CA6: variants seen among roughly 807,000 people sequenced by gnomAD.
The protein encoded by CA6 is carbonate dehydratase VI.
A neutral mutation model predicts 35.9 loss-of-function variants in CA6; 28 were observed. The ratio of observed to expected loss-of-function variants is 0.78; its 90% CI spans 0.58 to 1.07. CA6 has a LOEUF of 1.07. Ranked by LOEUF, CA6 falls within the 50% of genes least tolerant of loss-of-function variation. The pLI is 0.00. For missense variants in CA6, 377 were observed against 382.0 expected, an observed-to-expected ratio of 0.99 and a Z score of 0.11; for synonymous variants, 148 against 152.6, an observed-to-expected ratio of 0.97 and a Z score of 0.22.
At chr1:8,972,212 T>G (rs1260011255) in intron 7 of CA6, among the ~76,000 whole-genome samples, 1 of 151,802 alleles carries the variant, frequency 6.6e-6, no homozygotes, top group Non-Finnish European at 1.5e-5. Context: ...CACACCCAGC[T>G]AATTTTTTTT....
intron 2 of CA6, among the ~76,000 whole-genome samples, chr1:8,954,475 T>C (rs7525219): frequency 0.4 from 61,383 of 151,868 alleles, 13,492 homozygotes; most frequent in East Asian, 0.64. Context: ...TATTCCTTTA[T>C]TTTCTTAATA....
intron 7 of CA6, among the ~76,000 whole-genome samples, chr1:8,973,787 TTCCCTCCCTCC>T (rs1640192108): frequency 3.5e-5 from 3 of 84,954 alleles, no homozygotes; most frequent in African/African-American, 8.1e-5. Context: ...TTTCTTTCTT[TTCCCTCCCTCC>T]CTCTCTCTCT....
chr1:8,949,168 C>A, intron 1 of CA6, 95 bp from the exon 2 acceptor site: 1 of 965,790 alleles, frequency 1.0e-6, no homozygotes. Context: ...GGGTCCCCGC[C>A]CAGCAGGCCC....
intron 1 of CA6, among the ~76,000 whole-genome samples, chr1:8,948,537 G>T (rs1331522448): frequency 6.6e-6 from 1 of 151,874 alleles, no homozygotes; most frequent in African/African-American, 2.4e-5. Context: ...GTTCCTGTTG[G>T]GGGCATGGAA....
intron 1 of CA6, among the ~76,000 whole-genome samples, 186 bp from the exon 2 acceptor site, chr1:8,949,077 C>A (rs1412659260): frequency 6.6e-6 from 1 of 152,136 alleles, no homozygotes; most frequent in Non-Finnish European, 1.5e-5. Context: ...CCCCAAACAC[C>A]AGAGTCCTTG....
At chr1:8,965,617 G>A (rs1223338384) in intron 5 of CA6, among the ~76,000 whole-genome samples, 1 of 152,106 alleles carries the variant, frequency 6.6e-6, no homozygotes, top group African/African-American at 2.4e-5. Context: ...GCTGGGCGAG[G>A]TGACTCACGC....
At chr1:8,951,641 C>T in intron 2 of CA6, 1 of 765,188 alleles carries the variant, frequency 1.3e-6, no homozygotes, top group Non-Finnish European at 2.4e-6. Flanking sequence ...CCCAGCTTCC[C>T]AAGGGGCTTG....
intron 1 of CA6, among the ~76,000 whole-genome samples, chr1:8,948,880 T>A (rs10864371): frequency 0.64 from 97,246 of 150,790 alleles, 31,601 homozygotes; most frequent in East Asian, 0.82. Flanking sequence ...TGATGCCGGA[T>A]AATCTCTTGA....
intron 5 of CA6, among the ~76,000 whole-genome samples, chr1:8,965,223 G>A (rs996438659): frequency 6.6e-6 from 1 of 152,092 alleles, no homozygotes; most frequent in African/African-American, 2.4e-5. Context: ...CAGCCTGGAC[G>A]ACAGAGCGCA....
At chr1:8,971,416 A>G (rs1204280031) in intron 7 of CA6, among the ~76,000 whole-genome samples, 10 of 151,216 alleles carry the variant, frequency 6.6e-5, no homozygotes, top group Non-Finnish European at 1.3e-4. Context: ...GGTTCAAGCA[A>G]TTCTCCTGCC....
chr1:8,974,146 A>C (rs1296427004), intron 7 of CA6, among the ~76,000 whole-genome samples: 3 of 152,112 alleles, frequency 2.0e-5, no homozygotes, highest in Non-Finnish European at 4.4e-5. Context: ...TCTATGTAGC[A>C]GTGATTGGCT....
chr1:8,951,579 G>A (rs755770624), intron 2 of CA6: 1 of 765,220 alleles, frequency 1.3e-6, no homozygotes, highest in South Asian at 1.3e-5. Context: ...CTTGCTGAGT[G>A]CGGGCTTCGT....
chr1:8,970,722 A>G, intron 6 of CA6, 145 bp from the exon 7 acceptor site: 1 of 651,916 alleles, frequency 1.5e-6, no homozygotes, highest in South Asian at 1.6e-5. Flanking sequence ...GCTGGTCTCC[A>G]ACTCCTGAGC....
At chr1:8,946,321 T>C (rs1639363625) in intron 1 of CA6, among the ~76,000 whole-genome samples, 1 of 151,306 alleles carries the variant, frequency 6.6e-6, no homozygotes, top group South Asian at 2.1e-4. Context: ...CATGAGCCAT[T>C]GCGCCCGGCC....
rs1639691391 is a variant in CA6, at chr1:8,956,643, AG to A, written c.260-493del. 5.3e-5 allele frequency among the ~76,000 whole-genome samples: 8 copies of A among 152,326 alleles called. 1 individual carries two copies. In the South Asian group the frequency reaches 1.7e-3, roughly 32 times the overall value. On this transcript the variant is annotated intron_variant, in intron 2 of 7. Coordinates refer to ENST00000377443, the MANE Select transcript of CA6 (RefSeq NM_001215.4). ...AGTCATCGTGGTGCCACTGCACTCC[AG>A]CCTGAGCAACAGAGTGAGCATGAAA...
chr1:8,964,787 A>G (rs996493220), intron 5 of CA6, among the ~76,000 whole-genome samples: 1 of 152,076 alleles, frequency 6.6e-6, no homozygotes, highest in African/African-American at 2.4e-5. Flanking sequence ...GGTCAGATCT[A>G]TGGGCCACTC....
At chr1:8,950,761 G>A (rs1364299771) in intron 2 of CA6, among the ~76,000 whole-genome samples, 1 of 151,574 alleles carries the variant, frequency 6.6e-6, no homozygotes, top group East Asian at 1.9e-4. Context: ...CCAGCTACTC[G>A]GGAGGCTGAG....
intron 5 of CA6, among the ~76,000 whole-genome samples, chr1:8,962,996 T>C (rs1302485382): frequency 6.6e-6 from 1 of 152,178 alleles, no homozygotes; most frequent in Non-Finnish European, 1.5e-5. Flanking sequence ...GATGTCCACC[T>C]GGCTCCAAGC....
chr1:8,964,929 G>T (rs959727042), intron 5 of CA6, among the ~76,000 whole-genome samples: 2 of 152,174 alleles, frequency 1.3e-5, no homozygotes, highest in African/African-American at 4.8e-5. Flanking sequence ...ACTCCACGCA[G>T]TCCCACAGCC....
Sources: allele counts gnomAD v4.1 joint callset (sites outside exome capture counted in the v4.1 genomes callset), GRCh38; gene constraint gnomAD v4.1.1; transcripts MANE v1.5; gene names NCBI Gene and HGNC (gene_info 2026-07-23, HGNC 2026-07-21).